Variants in FBXO34 observed in about 807,000 individuals in gnomAD.
The protein encoded by FBXO34 is F-box protein 34, also known as F-box only protein 34.
FBXO34 carries 12 observed loss-of-function variants against 24.5 expected under a neutral mutation model. That is an observed-to-expected ratio of 0.49 (90% confidence interval 0.31 to 0.79). The LOEUF is 0.79. FBXO34 is among the 30% of genes least tolerant of loss of function. The probability of loss-of-function intolerance (pLI) is 0.04; values close to 1 mark genes in which losing one functional copy is unlikely to be tolerated. For missense variants in FBXO34, 823 were observed against 857.7 expected (o/e 0.96, Z 0.51); for synonymous variants, 320 against 311.9 (o/e 1.03, Z -0.27).
At chr14:55,416,372 C>T in the FBXO34 span, among the ~76,000 whole-genome samples, 2 of 152,030 alleles carry the variant, frequency 1.3e-5, no homozygotes, top group Non-Finnish European at 2.9e-5. Context: ...TGGGAGGATC[C>T]CTTGAGCCCA....
At chr14:55,411,564 CA>C in the FBXO34 span, 1 of 1,569,130 alleles carries the variant, frequency 6.4e-7, no homozygotes, top group Non-Finnish European at 8.6e-7. Context: ...GGAGGACACA[CA>C]GCAGAAGAAA....
At chr14:55,363,136 C>T (rs964361566), downstream of FBXO34, among the ~76,000 whole-genome samples, 2 of 151,108 alleles carry the variant, frequency 1.3e-5, no homozygotes, top group Non-Finnish European at 2.9e-5. Context: ...GATTCTCCCG[C>T]GTCAGACTCC....
chr14:55,418,188 C>A, the FBXO34 span, among the ~76,000 whole-genome samples: 1 of 152,222 alleles, frequency 6.6e-6, no homozygotes, highest in Non-Finnish European at 1.5e-5. Flanking sequence ...GTCTGTCTCC[C>A]TCAGCAGGGC....
chr14:55,321,165 T>TTG (rs1348980105), intron 1 of FBXO34, among the ~76,000 whole-genome samples: 3 of 61,658 alleles, frequency 4.9e-5, no homozygotes, highest in Non-Finnish European at 3.7e-5. Flanking sequence ...ATATGGGCGG[T>TTG]TTTTTTTTTT....
intron 1 of FBXO34, among the ~76,000 whole-genome samples, chr14:55,330,409 C>T (rs1222715334): frequency 2.0e-5 from 3 of 152,150 alleles, no homozygotes; most frequent in Non-Finnish European, 4.4e-5. Flanking sequence ...TGGGTGCACT[C>T]ATACTATATT....
the FBXO34 span, among the ~76,000 whole-genome samples, chr14:55,425,251 T>C: frequency 6.6e-6 from 1 of 152,126 alleles, no homozygotes; most frequent in Non-Finnish European, 1.5e-5. Context: ...AGGGAGCCTG[T>C]CAAGACTTTC....
chr14:55,411,939 T>TCCGCCG, the FBXO34 span: 2 of 937,318 alleles, frequency 2.1e-6, no homozygotes, highest in Non-Finnish European at 1.6e-6. Flanking sequence ...CCCGGACCCC[T>TCCGCCG]CCGCCGCCGC....
chr14:55,399,034 G>C, the FBXO34 span, among the ~76,000 whole-genome samples: 1 of 152,098 alleles, frequency 6.6e-6, no homozygotes, highest in Non-Finnish European at 1.5e-5. Flanking sequence ...GGCCATAACA[G>C]ACCTAAAAAT....
intron 1 of FBXO34, among the ~76,000 whole-genome samples, chr14:55,291,405 A>C (rs1881940925): frequency 6.6e-6 from 1 of 152,220 alleles, no homozygotes; most frequent in Non-Finnish European, 1.5e-5. Context: ...CATATGCAGC[A>C]TGTTTTCATT....
chr14:55,389,883 C>T, the FBXO34 span, among the ~76,000 whole-genome samples: 7 of 151,536 alleles, frequency 4.6e-5, no homozygotes, highest in African/African-American at 1.2e-4. Context: ...ATTTTGACAA[C>T]GATCTATGAT....
In FBXO34 at chr14:55,350,364, G is replaced by A. The variant is rs755014036; in HGVS notation, c.-10-17G>A. 2 of 1,480,098 alleles carry A rather than the reference G, an allele frequency of 1.4e-6. No homozygotes were observed. Among genetic ancestry groups the A allele is most frequent in the Non-Finnish European group, 1.8e-6 (2 of 1,116,620 alleles). The allele number at this position is 1,480,098 out of a possible 1,614,324, so 91.7% of individuals were successfully genotyped here. A position where few individuals can be genotyped will look rare whatever the true frequency, so the allele number is the denominator to read the frequency against. ...CAAAATTGGTTTCTGAATCAAATGT[G>A]TATTTCTTTCCTATAGGGGCTTTGT... On this transcript the variant is annotated splice_polypyrimidine_tract_variant and intron_variant, in intron 1 of 1. Coordinates refer to ENST00000313833, the MANE Select transcript of FBXO34 (RefSeq NM_017943.4).
At chr14:55,361,412 T>C (rs1884593812) in intron 3 of FBXO34, among the ~76,000 whole-genome samples, 1 of 152,212 alleles carries the variant, frequency 6.6e-6, no homozygotes, top group East Asian at 1.9e-4. Context: ...TGTTGTTCCA[T>C]TTACAGAGCA....
chr14:55,320,560 G>A (rs935327422), intron 1 of FBXO34, among the ~76,000 whole-genome samples: 1 of 152,230 alleles, frequency 6.6e-6, no homozygotes, highest in Middle Eastern at 3.4e-3. Flanking sequence ...GACCATCCTG[G>A]TTAACACGGT....
intron 1 of FBXO34, among the ~76,000 whole-genome samples, chr14:55,294,770 G>A (rs567499722): frequency 5.9e-4 from 90 of 152,280 alleles, no homozygotes; most frequent in African/African-American, 2.0e-3. Context: ...GGTGGAAAAG[G>A]ACTGAATATT....
the FBXO34 span, chr14:55,436,960 T>C: frequency 6.2e-7 from 1 of 1,614,176 alleles, no homozygotes; most frequent in Non-Finnish European, 8.5e-7. Context: ...ATTCAGTATG[T>C]ACATATCATA....
rs966828794 is a variant in FBXO34 at position 55,352,584 on chromosome 14, C to A, written c.*58C>A. On this transcript the variant is annotated 3_prime_UTR_variant, in exon 2 of 2. Coordinates refer to ENST00000313833, the MANE Select transcript of FBXO34 (RefSeq NM_017943.4). The stretch of plus-strand genomic sequence containing the variant: ...TCTAAAGCTGCAAAACACCTAGATA[C>A]ACCGTTCAAATGAGCGTAGCCCCCT... 3.5e-6 allele frequency: 5 copies of A among 1,418,190 alleles called. No individual in the cohort carries two copies. The highest frequency in any genetic ancestry group is 1.4e-5 in the African/African-American group (1 of 70,098). The allele number at this position is 1,418,190 out of a possible 1,614,324, so 87.9% of individuals were successfully genotyped here.
the FBXO34 span, among the ~76,000 whole-genome samples, chr14:55,417,730 G>C: frequency 6.6e-6 from 1 of 152,114 alleles, no homozygotes; most frequent in Admixed American, 6.5e-5. Flanking sequence ...CCAAAGTGCT[G>C]GTATATGAAC....
intron 1 of FBXO34, among the ~76,000 whole-genome samples, chr14:55,312,635 T>C (rs1378533825): frequency 6.6e-6 from 1 of 152,258 alleles, no homozygotes; most frequent in Non-Finnish European, 1.5e-5. Flanking sequence ...CAAACCTCAA[T>C]TCTTGACTTT....
At chr14:55,321,900 G>T (rs755266184) in intron 1 of FBXO34, among the ~76,000 whole-genome samples, 5 of 152,106 alleles carry the variant, frequency 3.3e-5, no homozygotes, top group Non-Finnish European at 5.9e-5. Flanking sequence ...ATGCTTTTCC[G>T]TTTAAAATTG....
Sources: gnomAD v4.1 joint callset for allele counts (sites outside exome capture counted in the v4.1 genomes callset) on GRCh38, gnomAD v4.1.1 for gene constraint, MANE v1.5 for transcripts, NCBI Gene and HGNC (gene_info 2026-07-23, HGNC 2026-07-21) for gene names.